BAZ2A: variants seen among roughly 807,000 people sequenced by gnomAD.
BAZ2A encodes the protein bromodomain adjacent to zinc finger domain 2A.
BAZ2A carries 34 observed loss-of-function variants against 199.9 expected under a neutral mutation model. The ratio of observed to expected loss-of-function variants is 0.17; its 90% CI spans 0.13 to 0.23. The LOEUF is 0.23. Ranked by LOEUF, BAZ2A falls within the 10% of genes least tolerant of loss-of-function variation. The probability of loss-of-function intolerance (pLI) is 1.00; values close to 1 mark genes in which losing one functional copy is unlikely to be tolerated. For missense variants in BAZ2A, 2,002 were observed against 2,391.1 expected, an observed-to-expected ratio of 0.84 and a Z score of 3.39; for synonymous variants, 857 against 883.9, an observed-to-expected ratio of 0.97 and a Z score of 0.54.
intron 1 of BAZ2A, among the ~76,000 whole-genome samples, chr12:56,620,500 C>CA (rs555304518): frequency 2.9e-3 from 443 of 150,324 alleles, no homozygotes; most frequent in Non-Finnish European, 5.3e-3. Context: ...AACCCTGTCT[C>CA]AAAAAAACAA....
At chr12:56,636,318 T>G in exon 1 of BAZ2A, 1 of 1,499,484 alleles carries the variant, frequency 6.7e-7, no homozygotes, top group Non-Finnish European at 9.0e-7. Context: ...AAAGCCAGTG[T>G]ATGCTTCCTG....
At chr12:56,618,807 T>C (rs567744265) in intron 1 of BAZ2A, among the ~76,000 whole-genome samples, 1 of 151,668 alleles carries the variant, frequency 6.6e-6, no homozygotes, top group East Asian at 2.0e-4. Context: ...AAGGCAGAGG[T>C]TGCAGTGAGC....
Position 56,604,607 on chromosome 12 carries a change from T to C in BAZ2A, c.2941A>G (p.Asn981Asp). The part of the protein sequence containing the change: ...AVLAFLVHEL[N>D]GSTLIINEID... ...CACTTGATGATGAGGGTGGAGCCAT[T>C]GAGCTCATGCACAAGGAAGGCCAGG... Residue 981 changes from asparagine (N) to aspartate (D), a missense_variant, in exon 15 of 29, where the codon AAT becomes GAT. Asn to Asp is a conservative substitution (Grantham distance 23, BLOSUM62 1). This residue lies in a region of BAZ2A where 1,081 missense variants were observed against 1,274.7 expected (regional missense o/e 0.85). Coordinates refer to ENST00000549884, the MANE Select transcript of BAZ2A (RefSeq NM_001300905.2). 1.9e-6 allele frequency: 3 copies of C among 1,595,310 alleles called. No individual in the cohort carries two copies. Among genetic ancestry groups the C allele is most frequent in the Non-Finnish European group, 1.7e-6 (2 of 1,170,798 alleles).
At position 56,599,295 on chromosome 12, in the gene BAZ2A, C is replaced by G; in HGVS notation, c.5236G>C (p.Gly1746Arg). The G allele has an allele frequency of 6.2e-7, 1 of 1,613,626 alleles. No individual in the cohort carries two copies. Among genetic ancestry groups the G allele is most frequent in the Non-Finnish European group, 8.5e-7 (1 of 1,179,838 alleles). The change falls in exon 27 of 29, where the codon GGT (glycine) becomes CGT (arginine). Residue 1746 changes from glycine to arginine, a missense_variant. Gly to Arg is a moderately radical substitution (Grantham distance 125). This residue lies in a region of BAZ2A where 122 missense variants were observed against 123.0 expected (regional missense o/e 0.99). Coordinates refer to ENST00000549884, the MANE Select transcript of BAZ2A (RefSeq NM_001300905.2). ...CCCTCTGAGAAGTTCAGCGAATAACCACTTTTCCGCTTCTGGCCACGCTTT... is the reference window on the plus strand; with the variant it reads ...CCCTCTGAGAAGTTCAGCGAATAACGACTTTTCCGCTTCTGGCCACGCTTT... ...FPKRGQKRKS[G>R]YSLNFSEGDG...
At chr12:56,605,374 GA>G (rs1262499430) in intron 13 of BAZ2A, 47 bp from the exon 14 acceptor site, 7 of 1,513,388 alleles carry the variant, frequency 4.6e-6, no homozygotes, top group Non-Finnish European at 5.4e-6. Flanking sequence ...CATAACAGAA[GA>G]TGACAATTTG....
At chr12:56,616,811 C>T (rs1950737952) in intron 2 of BAZ2A, among the ~76,000 whole-genome samples, 1 of 152,060 alleles carries the variant, frequency 6.6e-6, no homozygotes, top group South Asian at 2.1e-4. Flanking sequence ...AGGTACCTGG[C>T]GAGTCATGGT....
chr12:56,621,130 G>T, intron 1 of BAZ2A: 3 of 985,256 alleles, frequency 3.0e-6, no homozygotes, highest in Non-Finnish European at 3.6e-6. Flanking sequence ...CCCTGGTGTG[G>T]AGGATACATG....
chr12:56,636,211 G>C, exon 1 of BAZ2A: 1 of 1,590,000 alleles, frequency 6.3e-7, no homozygotes. Flanking sequence ...CTCCAGGCTG[G>C]GACCACCCAG....
intron 1 of BAZ2A, among the ~76,000 whole-genome samples, chr12:56,636,013 C>T (rs1174679436): frequency 6.6e-6 from 1 of 152,202 alleles, no homozygotes; most frequent in Admixed American, 6.5e-5. Flanking sequence ...CTCAGGATCC[C>T]GTGGTCGGCA....
chr12:56,608,252 G>C (rs568768782), intron 10 of BAZ2A, among the ~76,000 whole-genome samples: 2 of 151,326 alleles, frequency 1.3e-5, no homozygotes, highest in East Asian at 3.9e-4. Flanking sequence ...TGCACCTGTA[G>C]TCCCAGCTAC....
chr12:56,603,218 T>G (rs1950238086), intron 18 of BAZ2A, 141 bp downstream of exon 18: 1 of 956,918 alleles, frequency 1.0e-6, no homozygotes, highest in African/African-American at 1.7e-5. Flanking sequence ...CAGTGAGCCA[T>G]GATCGTGCCA....
At chr12:56,625,875 CAAAAAAAAAAAAA>C (rs748737235) in intron 1 of BAZ2A, among the ~76,000 whole-genome samples, 2 of 55,304 alleles carry the variant, frequency 3.6e-5, no homozygotes, top group Admixed American at 2.0e-4. Flanking sequence ...AACTCCGTCT[CAAAAAAAAAAAAA>C]AAAAAAAAAC....
At chr12:56,614,955 A>C in intron 3 of BAZ2A, 59 bp downstream of exon 3, 1 of 1,489,708 alleles carries the variant, frequency 6.7e-7, no homozygotes, top group Non-Finnish European at 9.1e-7. Context: ...TCAAAAAGCC[A>C]CTATCCCCCC....
At chr12:56,603,498 T>C in intron 17 of BAZ2A, 22 bp downstream of exon 17, 4 of 1,613,876 alleles carry the variant, frequency 2.5e-6, no homozygotes, top group Non-Finnish European at 3.4e-6. Context: ...AACTCCCACT[T>C]TCCTTGATCT....
intron 11 of BAZ2A, 109 bp downstream of exon 11, chr12:56,606,524 G>A (rs770754266): frequency 2.5e-5 from 32 of 1,262,788 alleles, no homozygotes; most frequent in Non-Finnish European, 3.6e-5. Context: ...TCAGGGTAAT[G>A]AAGATATGCT....
chr12:56,614,102 G>A lies in BAZ2A; in HGVS notation c.767C>T (p.Ser256Phe). Residue 256 changes from serine (S) to phenylalanine (F), a missense_variant, in exon 4 of 29, where the codon TCT becomes TTT. This residue lies in a region of BAZ2A where 641 missense variants were observed against 694.5 expected (regional missense o/e 0.92). Coordinates refer to ENST00000549884, the MANE Select transcript of BAZ2A (RefSeq NM_001300905.2). ...KMCGYNGSVPSVESLHQEVSV... is the reference protein window; with the variant it reads ...KMCGYNGSVPFVESLHQEVSV... ...GACCTCTTGGTGTAACGATTCCACA[G>A]AAGGGACAGAGCCATTGTAGCCACA... is the stretch of plus-strand genomic sequence containing the variant. The A allele has an allele frequency of 6.2e-7, 1 of 1,614,012 alleles. No homozygotes were observed. Among genetic ancestry groups the A allele is most frequent in the East Asian group, 2.2e-5 (1 of 44,892 alleles).
intron 2 of BAZ2A, among the ~76,000 whole-genome samples, chr12:56,616,520 C>T (rs924551867): frequency 3.3e-5 from 5 of 152,064 alleles, no homozygotes; most frequent in African/African-American, 1.2e-4. Flanking sequence ...TGCCAGCTGG[C>T]GGGGTAGGGG....
intron 10 of BAZ2A, among the ~76,000 whole-genome samples, chr12:56,609,306 G>A (rs1950483390): frequency 6.6e-6 from 1 of 151,674 alleles, no homozygotes; most frequent in Non-Finnish European, 1.5e-5. Flanking sequence ...TCAGCCTCCT[G>A]GGTAACTGGG....
intron 5 of BAZ2A, 128 bp from the exon 6 acceptor site, chr12:56,612,374 AAAAAGAAGTAGCT>A (rs2137018148): frequency 1.3e-6 from 1 of 771,220 alleles, no homozygotes; most frequent in East Asian, 2.7e-5. Flanking sequence ...CTAGGGTTGG[AAAAAGAAGTAGCT>A]TTTTCTCCCA....
Sources: gnomAD v4.1 joint callset for allele counts (sites outside exome capture counted in the v4.1 genomes callset) on GRCh38, gnomAD v4.1.1 for gene constraint, gnomAD v4.1.1 regional missense constraint, MANE v1.5 for transcripts, NCBI Gene and HGNC (gene_info 2026-07-23, HGNC 2026-07-21) for gene names.